The following GLIS3 variants were observed in gnomAD, a reference collection of about 807,000 sequenced individuals.
GLIS3 encodes the protein GLIS family zinc finger 3.
A neutral mutation model predicts 78.6 loss-of-function variants in GLIS3; 53 were observed. The observed-to-expected ratio is 0.67, with a 90% CI of 0.54 to 0.85. GLIS3 has a LOEUF of 0.85. GLIS3 is among the 40% of genes least tolerant of loss of function. The pLI is 0.00. For missense variants in GLIS3, 1,703 were observed against 1,231.1 expected (o/e 1.38, Z -5.74); for synonymous variants, 684 against 509.9 (o/e 1.34, Z -4.60).
intron 4 of GLIS3, among the ~76,000 whole-genome samples, chr9:4,115,688 T>C (rs1401954642): frequency 1.3e-5 from 2 of 152,046 alleles, no homozygotes; most frequent in East Asian, 3.9e-4. Context: ...ATGCCCATAA[T>C]ATGTATGTTT....
intron 9 of GLIS3, among the ~76,000 whole-genome samples, chr9:3,853,969 T>C (rs1254433095): frequency 1.3e-5 from 2 of 152,242 alleles, no homozygotes; most frequent in African/African-American, 4.8e-5. Flanking sequence ...GAAAAATCAC[T>C]GCCAATTATA....
At chr9:3,843,886 G>C (rs750850530) in intron 9 of GLIS3, among the ~76,000 whole-genome samples, 1 of 152,186 alleles carries the variant, frequency 6.6e-6, no homozygotes, top group Admixed American at 6.5e-5. Flanking sequence ...GGGTTCAGTA[G>C]TCATACTTAA....
intron 4 of GLIS3, among the ~76,000 whole-genome samples, chr9:4,060,984 C>T (rs1351458687): frequency 6.6e-6 from 1 of 152,156 alleles, no homozygotes; most frequent in Non-Finnish European, 1.5e-5. Context: ...TCTGGCCTAT[C>T]TCTTGCATGC....
chr9:4,335,215 C>A (rs1375173711), intron 2 of GLIS3, among the ~76,000 whole-genome samples: 1 of 152,090 alleles, frequency 6.6e-6, no homozygotes, highest in Non-Finnish European at 1.5e-5. Flanking sequence ...GCCCCATTTC[C>A]ACTCATTTTT....
At chr9:4,352,435 A>G (rs1440769758), upstream of GLIS3, among the ~76,000 whole-genome samples, 1 of 152,276 alleles carries the variant, frequency 6.6e-6, no homozygotes, top group Non-Finnish European at 1.5e-5. Context: ...GTATGGGGAC[A>G]TAGAAATACA....
At chr9:4,265,267 C>G (rs1825888623) in intron 2 of GLIS3, among the ~76,000 whole-genome samples, 1 of 151,974 alleles carries the variant, frequency 6.6e-6, no homozygotes, top group South Asian at 2.1e-4. Flanking sequence ...ACCATCTGTG[C>G]TAATCTCATA....
intron 6 of GLIS3, among the ~76,000 whole-genome samples, chr9:3,906,325 G>C (rs1263009322): frequency 1.3e-5 from 2 of 152,210 alleles, no homozygotes; most frequent in Non-Finnish European, 2.9e-5. Context: ...CAATCTGGAT[G>C]AAAGATGCCA....
At chr9:3,833,699 A>G (rs1415514426) in intron 9 of GLIS3, among the ~76,000 whole-genome samples, 1 of 152,252 alleles carries the variant, frequency 6.6e-6, no homozygotes. Context: ...TTATAGTAGC[A>G]TAAGAACATA....
chr9:4,332,726 C>A (rs770294971), intron 2 of GLIS3, among the ~76,000 whole-genome samples: 1 of 152,224 alleles, frequency 6.6e-6, no homozygotes, highest in Non-Finnish European at 1.5e-5. Context: ...AGGCGGGAGT[C>A]AGCCTCATGT....
intron 2 of GLIS3, among the ~76,000 whole-genome samples, chr9:4,137,544 T>C (rs1833489426): frequency 6.6e-6 from 1 of 151,962 alleles, no homozygotes; most frequent in Non-Finnish European, 1.5e-5. Flanking sequence ...TTCCTGTGCA[T>C]GGAGCCTCAA....
At chr9:4,112,162 G>C (rs1831271084) in intron 4 of GLIS3, among the ~76,000 whole-genome samples, 1 of 152,192 alleles carries the variant, frequency 6.6e-6, no homozygotes, top group Non-Finnish European at 1.5e-5. Context: ...TTCAGCACAA[G>C]ACTCCTCCCA....
intron 1 of GLIS3, among the ~76,000 whole-genome samples, chr9:4,297,028 C>A (rs1408485975): frequency 6.6e-6 from 1 of 151,960 alleles, no homozygotes; most frequent in Non-Finnish European, 1.5e-5. Context: ...ACAGGTTGCA[C>A]CTGCTTCACA....
the GLIS3 span, among the ~76,000 whole-genome samples, chr9:4,379,001 G>C: frequency 1.3e-5 from 2 of 152,204 alleles, no homozygotes; most frequent in Non-Finnish European, 2.9e-5. Context: ...GTTAAGGGAA[G>C]AGTGTTAAGT....
chr9:4,313,551 G>C (rs1249244102), intron 2 of GLIS3, among the ~76,000 whole-genome samples: 1 of 152,198 alleles, frequency 6.6e-6, no homozygotes, highest in Admixed American at 6.5e-5. Context: ...CTGACAGGCA[G>C]TTGTCAGATT....
At chr9:4,437,743 ACCTCTTCCT>A in the GLIS3 span, among the ~76,000 whole-genome samples, 3 of 151,662 alleles carry the variant, frequency 2.0e-5, no homozygotes, top group Non-Finnish European at 4.4e-5. Context: ...GACCAAACCC[ACCTCTTCCT>A]CCTCTTCCTC....
intron 4 of GLIS3, among the ~76,000 whole-genome samples, chr9:4,003,291 G>T (rs1821266080): frequency 6.6e-6 from 1 of 152,058 alleles, no homozygotes; most frequent in Non-Finnish European, 1.5e-5. Flanking sequence ...TGAGGCTTAA[G>T]AAAGTATATA....
chr9:4,202,419 A>T (rs7031612), intron 2 of GLIS3, among the ~76,000 whole-genome samples: 115,548 of 150,240 alleles, frequency 0.77, 45,121 homozygotes, highest in African/African-American at 0.9. Context: ...CCAAGGACTC[A>T]GTCTCAAAAA....
At chr9:4,359,813 G>A in the GLIS3 span, among the ~76,000 whole-genome samples, 1 of 152,104 alleles carries the variant, frequency 6.6e-6, no homozygotes, top group South Asian at 2.1e-4. Context: ...TATTTACCTT[G>A]AAAAATAATT....
At chr9:4,462,846 T>C in the GLIS3 span, among the ~76,000 whole-genome samples, 10 of 152,134 alleles carry the variant, frequency 6.6e-5, no homozygotes, top group Admixed American at 2.6e-4. Context: ...TGGTCCTTCA[T>C]CCCAAATCGT....
Sources: allele counts gnomAD v4.1 joint callset (sites outside exome capture counted in the v4.1 genomes callset), GRCh38; gene constraint gnomAD v4.1.1; transcripts MANE v1.5; gene names NCBI Gene and HGNC (gene_info 2026-07-23, HGNC 2026-07-21).